UNC5B: variants seen among roughly 807,000 people sequenced by gnomAD.
The protein encoded by UNC5B is netrin receptor UNC5B.
In UNC5B, 56 loss-of-function variants were observed where a neutral mutation model predicts 103.7. The observed-to-expected ratio is 0.54, with a 90% CI of 0.44 to 0.67. The LOEUF (loss-of-function observed/expected upper bound fraction) is 0.67, where lower values mean the gene tolerates loss of function less well. UNC5B is among the 30% of genes least tolerant of loss of function. The pLI, the probability that UNC5B is intolerant of heterozygous loss-of-function variation, is 0.00. For missense variants in UNC5B, 1,194 were observed against 1,284.5 expected, an observed-to-expected ratio of 0.93 and a Z score of 1.08; for synonymous variants, 577 against 542.0, an observed-to-expected ratio of 1.06 and a Z score of -0.90.
At chr10:71,260,006 A>G (rs577126946) in intron 1 of UNC5B, among the ~76,000 whole-genome samples, 165 of 152,308 alleles carry the variant, frequency 1.1e-3, no homozygotes, top group Middle Eastern at 3.4e-3. Flanking sequence ...CTAGGGGACA[A>G]ACAAGCCAAC....
Position 71,293,568 on chromosome 10 carries a change from T to C in UNC5B, c.1936T>C (p.Trp646Arg). Reference sequence around the variant, plus strand: ...CAAGACCCAGGCCCACCAGGGCCACTGGGAGGTGAGGAGCCACGGTGAAGG... The same window carrying C: ...CAAGACCCAGGCCCACCAGGGCCACCGGGAGGTGAGGAGCCACGGTGAAGG... ...QLKTQAHQGH[W>R]EEVVTLDEET... is the part of the protein sequence containing the mutation. The change falls in exon 12 of 17, where the codon TGG (tryptophan) becomes CGG (arginine). Residue 646 changes from tryptophan (W) to arginine (R), a missense_variant. Transcript: ENST00000335350. The C allele has an allele frequency of 6.2e-7, 1 of 1,613,838 alleles. No individual in the cohort carries two copies. The highest frequency in any genetic ancestry group is 1.1e-5 in the South Asian group (1 of 91,080).
At position 71,214,743 on chromosome 10, in the gene UNC5B, A is replaced by G. The variant is rs536749489; in HGVS notation, c.79+1679A>G. On this transcript the variant is annotated intron_variant, in intron 1 of 16. Transcript: ENST00000335350. Reference sequence around the variant, plus strand: ...GGAGAAAGACAAGACTGGTTGGCCTATAGTTCTCTGGGTGGGTGGGCTTGG... The same window carrying G: ...GGAGAAAGACAAGACTGGTTGGCCTGTAGTTCTCTGGGTGGGTGGGCTTGG... Among the ~76,000 whole-genome samples the G allele has an allele frequency of 3.2e-4, 49 of 152,278 alleles. 1 individual carries two copies. The highest frequency in any genetic ancestry group is 3.4e-3 in the Middle Eastern group (1 of 294).
At chr10:71,268,005 A>G (rs1209213249) in intron 1 of UNC5B, among the ~76,000 whole-genome samples, 2 of 152,142 alleles carry the variant, frequency 1.3e-5, no homozygotes, top group African/African-American at 2.4e-5. Flanking sequence ...CTGAGTCTAC[A>G]AGGCCTGGCC....
chr10:71,276,594 C>T (rs939695276), intron 1 of UNC5B, among the ~76,000 whole-genome samples: 3 of 152,178 alleles, frequency 2.0e-5, no homozygotes, highest in East Asian at 1.9e-4. Flanking sequence ...CCACCATGCC[C>T]GGCTAATTTT....
At position 71,287,662 on chromosome 10, in the gene UNC5B, G is replaced by A. The variant is rs745579208; in HGVS notation, c.798G>A (p.Trp266Ter). The A allele has an allele frequency of 6.2e-7, 1 of 1,613,014 alleles. No homozygotes were observed. Among genetic ancestry groups the A allele is most frequent in the Non-Finnish European group, 8.5e-7 (1 of 1,179,588 alleles). The change falls in exon 6 of 17, where the codon TGG (tryptophan) becomes TGA (stop). Residue 266 changes from tryptophan to a stop codon, truncating the protein, a stop_gained. Transcript: ENST00000335350. LOFTEE classifies it high-confidence loss of function. ...SPCSNRCGRGWQKRTRTCTNP... is the reference protein window; with the variant it reads ...SPCSNRCGRG ...GCTCCAACCGCTGTGGCCGAGGCTGGCAGAAGCGCACCCGGACCTGCACCA... is the reference window on the plus strand; with the variant it reads ...GCTCCAACCGCTGTGGCCGAGGCTGACAGAAGCGCACCCGGACCTGCACCA...
chr10:71,255,148 C>G (rs113423121), intron 1 of UNC5B, among the ~76,000 whole-genome samples: 125 of 152,288 alleles, frequency 8.2e-4, no homozygotes, highest in African/African-American at 3.0e-3. Flanking sequence ...CCGAGAAGAA[C>G]CCACAGTGGG....
At chr10:71,236,022 T>A (rs1843768877) in intron 1 of UNC5B, among the ~76,000 whole-genome samples, 1 of 152,222 alleles carries the variant, frequency 6.6e-6, no homozygotes, top group Non-Finnish European at 1.5e-5. Flanking sequence ...CAAGTTCCTT[T>A]CCATCTCTGG....
Position 71,214,928 on chromosome 10 carries a change from G to A in UNC5B, c.79+1864G>A, listed in dbSNP as rs559013968. Among the ~76,000 whole-genome samples the A allele has an allele frequency of 5.9e-5, 9 of 152,288 alleles. No individual in the cohort carries two copies. In the East Asian group the frequency reaches 1.2e-3, roughly 20 times the overall value. ...TACCCGGCTTTGATTTCTCACCAGC[G>A]AGCAGAAGCGGTGTTGGAATTGTGC... On this transcript the variant is annotated intron_variant, in intron 1 of 16. Transcript: ENST00000335350.
intron 1 of UNC5B, among the ~76,000 whole-genome samples, chr10:71,224,364 G>GACGCACACACACACACACAC (rs1197780490): frequency 2.1e-5 from 2 of 97,350 alleles, no homozygotes; most frequent in South Asian, 3.8e-4. Flanking sequence ...TCTGTATGTA[G>GACGCACACACACACACACAC]ACACACACAC....
chr10:71,296,249 G>C (rs1032465528), intron 14 of UNC5B, among the ~76,000 whole-genome samples: 3 of 152,166 alleles, frequency 2.0e-5, no homozygotes, highest in Non-Finnish European at 4.4e-5. Context: ...ACCCTTCAGG[G>C]CATGCCCTCC....
intron 1 of UNC5B, among the ~76,000 whole-genome samples, chr10:71,227,678 A>G (rs568246553): frequency 1.4e-5 from 2 of 138,982 alleles, no homozygotes; most frequent in Admixed American, 7.0e-5. Flanking sequence ...ACATATATAC[A>G]TATATATACA....
intron 1 of UNC5B, among the ~76,000 whole-genome samples, chr10:71,243,432 C>T (rs1181176785): frequency 2.6e-5 from 4 of 152,086 alleles, no homozygotes; most frequent in Admixed American, 1.3e-4. Context: ...ACTAGCCACA[C>T]GTGGCTATTG....
chr10:71,297,958 T>C lies in UNC5B; in HGVS notation c.2540T>C (p.Val847Ala), dbSNP rs1248556948. 6.2e-7 allele frequency: 1 copy of C among 1,613,820 alleles called. No homozygotes were observed. Among genetic ancestry groups the C allele is most frequent in the African/African-American group, 1.3e-5 (1 of 74,932 alleles). Residue 847 changes from valine to alanine, a missense_variant, in exon 16 of 17, where the codon GTC becomes GCC. Coordinates refer to ENST00000335350, the MANE Select transcript of UNC5B (RefSeq NM_170744.5). The stretch of plus-strand genomic sequence containing the variant: ...CTCTGCTCTGCCCCTGGCAGCACTG[T>C]CACCACCCAGCTGGGACCTTATGCC... ...DTLCSAPGST[V>A]TTQLGPYAFK...
intron 1 of UNC5B, among the ~76,000 whole-genome samples, chr10:71,248,527 G>C (rs1398351827): frequency 2.0e-5 from 3 of 151,942 alleles, no homozygotes; most frequent in African/African-American, 7.3e-5. Flanking sequence ...TTAAATATTT[G>C]GGCCTAAAGG....
chr10:71,283,723 G>C (rs1161750191), intron 2 of UNC5B, among the ~76,000 whole-genome samples: 1 of 152,148 alleles, frequency 6.6e-6, no homozygotes, highest in Non-Finnish European at 1.5e-5. Context: ...AGCATGGAGG[G>C]CTTCGTTGAG....
chr10:71,296,074 G>C (rs182390245), intron 14 of UNC5B, 114 bp downstream of exon 14: 82 of 1,429,438 alleles, frequency 5.7e-5, no homozygotes, highest in Admixed American at 3.0e-4. Flanking sequence ...CCCCTCCCTG[G>C]ATCTCTCACT....
chr10:71,286,225 G>A (rs1482424950), intron 4 of UNC5B, among the ~76,000 whole-genome samples: 2 of 152,178 alleles, frequency 1.3e-5, no homozygotes, highest in African/African-American at 4.8e-5. Flanking sequence ...GCAGAGCTGG[G>A]GTTTGGACCC....
In UNC5B at chr10:71,213,421, T is replaced by C. The variant is rs541873476; in HGVS notation, c.79+357T>C. Among the ~76,000 whole-genome samples, 1 of 152,184 alleles carries C rather than the reference T, an allele frequency of 6.6e-6. No individual in the cohort carries two copies. Among genetic ancestry groups the C allele is most frequent in the Admixed American group, 6.5e-5 (1 of 15,302 alleles). On this transcript the variant is annotated intron_variant, in intron 1 of 16. Transcript: ENST00000335350. The surrounding 1 kb of genome is among the most constrained non-coding windows in gnomAD (Gnocchi z 4.1). ...CTGGCATCCGCCCCGAAAAAGAACA[T>C]TGGCTACATAAGCAAGGTGTGCGCT... is the stretch of plus-strand genomic sequence containing the variant.
chr10:71,221,677 T>G (rs1843455543), intron 1 of UNC5B, among the ~76,000 whole-genome samples: 1 of 152,150 alleles, frequency 6.6e-6, no homozygotes, highest in Admixed American at 6.5e-5. Flanking sequence ...GCAAGGGGGA[T>G]TAGGATGATG....
Sources: allele counts gnomAD v4.1 joint callset (sites outside exome capture counted in the v4.1 genomes callset), GRCh38; gene constraint gnomAD v4.1.1; non-coding constraint Gnocchi (gnomAD v3.1); transcripts MANE v1.5; gene names NCBI Gene and HGNC (gene_info 2026-07-23, HGNC 2026-07-21).